PCLO: variants seen among roughly 807,000 people sequenced by gnomAD.
PCLO encodes protein piccolo.
In PCLO, 82 loss-of-function variants were observed where a neutral mutation model predicts 427.5. The observed-to-expected ratio is 0.19, with a 90% CI of 0.16 to 0.23. The LOEUF (loss-of-function observed/expected upper bound fraction) is 0.23. Ranked by LOEUF, PCLO falls within the 10% of genes least tolerant of loss-of-function variation. The pLI, the probability that PCLO is intolerant of heterozygous loss-of-function variation, is 1.00. For synonymous variants in PCLO, 2,357 were observed against 2,155.4 expected (o/e 1.09, Z -2.59); for missense variants, 6,239 against 6,115.9 (o/e 1.02, Z -0.67).
At chr7:82,934,633 C>T (rs1259162724) in intron 6 of PCLO, among the ~76,000 whole-genome samples, 4 of 151,562 alleles carry the variant, frequency 2.6e-5, no homozygotes, top group African/African-American at 9.7e-5. Context: ...GGCTTCAAAG[C>T]TTCAGAAAAT....
intron 3 of PCLO, among the ~76,000 whole-genome samples, chr7:82,977,074 AGGAGTGTATATT>A (rs1383434185): frequency 1.3e-5 from 2 of 152,070 alleles, no homozygotes; most frequent in Non-Finnish European, 2.9e-5. Flanking sequence ...AAATTTTTAA[AGGAGTGTATATT>A]TACACTCACC....
At chr7:83,140,036 C>T (rs1156410485) in intron 2 of PCLO, among the ~76,000 whole-genome samples, 3 of 152,100 alleles carry the variant, frequency 2.0e-5, no homozygotes, top group Admixed American at 1.3e-4. Flanking sequence ...ATGAAAAAGT[C>T]CATAACCAGC....
At chr7:83,110,912 A>T (rs1790987601) in intron 3 of PCLO, among the ~76,000 whole-genome samples, 1 of 152,222 alleles carries the variant, frequency 6.6e-6, no homozygotes. Flanking sequence ...TTACAAAATA[A>T]GATCAAGCAC....
At position 82,916,403 on chromosome 7, in the gene PCLO, T is replaced by C. The variant is rs1794464011; in HGVS notation, c.11583A>G (p.Gln3861=). 1 of 1,613,558 alleles carries C rather than the reference T, an allele frequency of 6.2e-7. No individual in the cohort carries two copies. The highest frequency in any genetic ancestry group is 8.5e-7 in the Non-Finnish European group (1 of 1,179,732). ...GTGGTATAAACTGGCTGAATTCAGT[T>C]TGGGGAGCAGTTCTTGGTCGCTCAA... ...HGIERPRTAP[Q]TEFSQFIPPQ... Residue 3861 remains glutamine, a synonymous_variant, in exon 7 of 25, where the codon CAA becomes CAG. Transcript: ENST00000333891.
chr7:83,084,779 G>A (rs7787638), intron 3 of PCLO, among the ~76,000 whole-genome samples: 73,622 of 151,214 alleles, frequency 0.49, 17,972 homozygotes, highest in African/African-American at 0.5. Flanking sequence ...AATTTTGCAC[G>A]TATTCGAACG....
chr7:82,769,575 A>C (rs1009173987), intron 22 of PCLO, among the ~76,000 whole-genome samples: 1 of 152,154 alleles, frequency 6.6e-6, no homozygotes, highest in Admixed American at 6.6e-5. Flanking sequence ...TTTAGGCAAA[A>C]GTCTCTTTAG....
chr7:83,015,839 G>A (rs17817131), intron 3 of PCLO, among the ~76,000 whole-genome samples: 33,344 of 151,986 alleles, frequency 0.22, 3,752 homozygotes, highest in South Asian at 0.3. Flanking sequence ...AAAGGTCCTA[G>A]AATGTTATCT....
At position 82,902,604 on chromosome 7, in the gene PCLO, CAAAACA is replaced by C. The variant is rs1358406904; in HGVS notation, c.13528+41_13528+46del. On this transcript the variant is annotated intron_variant, in intron 9 of 24. Coordinates refer to ENST00000333891, the MANE Select transcript of PCLO (RefSeq NM_033026.6). ...TAAAAAAATGCAAAACAAAACAAAA[CAAAACA>C]AAAAAACAAAAAAAATATTAGATTA... The C allele has an allele frequency of 2.7e-6, 3 of 1,124,516 alleles. No homozygotes were observed. The African/African-American group carries it at 4.8e-5, about 18-fold the overall frequency. The allele number at this position is 1,124,516 out of a possible 1,614,324, so 69.7% of individuals were successfully genotyped here.
rs529257275 is a variant in PCLO at position 82,998,143 on chromosome 7, A to T, written c.3301-31656T>A. ...ACGGAAACCAGTACTGGGGCTGGAAAACCTGAACTTTAATTGACAAATTGC... is the reference window on the plus strand; with the variant it reads ...ACGGAAACCAGTACTGGGGCTGGAATACCTGAACTTTAATTGACAAATTGC... On this transcript the variant is annotated intron_variant, in intron 3 of 24. Transcript: ENST00000333891. Among the ~76,000 whole-genome samples, 33 of 152,088 alleles carry T rather than the reference A, an allele frequency of 2.2e-4. 1 individual carries two copies. The South Asian group carries it at 6.6e-3, about 31-fold the overall frequency.
In PCLO at chr7:82,955,600, ATTC is replaced by A. The variant is rs763933813; in HGVS notation, c.5350_5352del (p.Glu1784del). On this transcript the variant is annotated inframe_deletion, in exon 5 of 25. Coordinates refer to ENST00000333891, the MANE Select transcript of PCLO (RefSeq NM_033026.6). Reference sequence around the variant, plus strand: ...CTCTGCTTTTCTTGCTCCTTTAATAATTCTTCTTCCTCTCTCAATTCTTCTTCC... The same window carrying A: ...CTCTGCTTTTCTTGCTCCTTTAATAATTCTTCCTCTCTCAATTCTTCTTCC... The A allele has an allele frequency of 3.1e-6, 5 of 1,613,720 alleles. No individual in the cohort carries two copies. Among genetic ancestry groups the A allele is most frequent in the South Asian group, 1.1e-5 (1 of 91,066 alleles).
intron 9 of PCLO, among the ~76,000 whole-genome samples, chr7:82,882,813 A>T (rs1050232900): frequency 2.0e-5 from 3 of 152,112 alleles, no homozygotes; most frequent in African/African-American, 7.2e-5. Flanking sequence ...TGCACAACAC[A>T]AACATGAGCA....
chr7:83,002,126 C>T (rs754178920), intron 3 of PCLO, among the ~76,000 whole-genome samples: 2 of 151,822 alleles, frequency 1.3e-5, no homozygotes, highest in Non-Finnish European at 2.9e-5. Flanking sequence ...TCTTCAAATG[C>T]TGCCTTTCTC....
chr7:82,862,933 G>T (rs186706761), intron 10 of PCLO, among the ~76,000 whole-genome samples: 80 of 152,018 alleles, frequency 5.3e-4, no homozygotes, highest in African/African-American at 1.9e-3. Context: ...CCTGCTATTC[G>T]ATGGCACAAT....
chr7:83,152,027 T>G (rs755076500), intron 2 of PCLO, among the ~76,000 whole-genome samples: 16 of 152,058 alleles, frequency 1.1e-4, no homozygotes, highest in Admixed American at 4.6e-4. Context: ...TGCAGTGGCG[T>G]GATCTTGGCT....
At chr7:82,788,945 C>T (rs367570052) in intron 22 of PCLO, among the ~76,000 whole-genome samples, 26 of 151,608 alleles carry the variant, frequency 1.7e-4, no homozygotes, top group African/African-American at 6.3e-4. Context: ...TAAAATAACT[C>T]AATCATTCTA....
At chr7:83,093,650 A>G (rs552063555) in intron 3 of PCLO, among the ~76,000 whole-genome samples, 11 of 148,942 alleles carry the variant, frequency 7.4e-5, no homozygotes, top group South Asian at 2.1e-4. Context: ...CCGCTACCAC[A>G]CCCGGCTAAT....
intron 3 of PCLO, among the ~76,000 whole-genome samples, chr7:82,973,916 T>G (rs1462503191): frequency 6.6e-6 from 1 of 152,150 alleles, no homozygotes; most frequent in African/African-American, 2.4e-5. Flanking sequence ...GTTGCTTTCT[T>G]ATCAAAATTC....
chr7:82,789,377 C>T (rs975719996), intron 22 of PCLO, among the ~76,000 whole-genome samples: 1 of 152,084 alleles, frequency 6.6e-6, no homozygotes, highest in African/African-American at 2.4e-5. Flanking sequence ...ATATTTGAAA[C>T]AACAGGTCAA....
intron 22 of PCLO, among the ~76,000 whole-genome samples, chr7:82,794,287 C>T (rs1364548669): frequency 2.0e-5 from 3 of 151,392 alleles, no homozygotes; most frequent in African/African-American, 7.3e-5. Flanking sequence ...TTTTGAATAA[C>T]GTTTCTTTTC....
Sources: allele counts gnomAD v4.1 joint callset (sites outside exome capture counted in the v4.1 genomes callset), GRCh38; gene constraint gnomAD v4.1.1; transcripts MANE v1.5; gene names NCBI Gene and HGNC (gene_info 2026-07-23, HGNC 2026-07-21).